The following PCDH15 variants were observed in gnomAD, a reference collection of about 807,000 sequenced individuals.
PCDH15 encodes protocadherin-15.
In PCDH15, 129 loss-of-function variants were observed where a neutral mutation model predicts 178.5. The ratio of observed to expected loss-of-function variants is 0.72; its 90% CI spans 0.63 to 0.84. PCDH15 has a LOEUF of 0.84. PCDH15 is among the 40% of genes least tolerant of loss of function. The pLI, the probability that PCDH15 is intolerant of heterozygous loss-of-function variation, is 0.00. For missense variants in PCDH15, 2,230 were observed against 2,099.9 expected (o/e 1.06, Z -1.21); for synonymous variants, 800 against 732.0 (o/e 1.09, Z -1.50).
intron 9 of PCDH15, among the ~76,000 whole-genome samples, chr10:54,217,124 G>T (rs2052169262): frequency 6.6e-6 from 1 of 152,074 alleles, no homozygotes; most frequent in East Asian, 1.9e-4. Flanking sequence ...CACGTGGAGA[G>T]GATAAACACT....
intron 20 of PCDH15, among the ~76,000 whole-genome samples, chr10:53,996,372 C>T (rs529246137): frequency 3.4e-4 from 51 of 152,116 alleles, no homozygotes; most frequent in African/African-American, 1.1e-3. Flanking sequence ...TTCAGAGCAA[C>T]TTATATGTAT....
chr10:54,630,138 C>T (rs899072751), intron 2 of PCDH15, among the ~76,000 whole-genome samples: 2 of 152,046 alleles, frequency 1.3e-5, no homozygotes, highest in Non-Finnish European at 2.9e-5. Flanking sequence ...CTACCGACTA[C>T]GTTTTTCCCA....
chr10:54,062,312 T>C (rs2094046860), intron 18 of PCDH15, among the ~76,000 whole-genome samples: 1 of 149,692 alleles, frequency 6.7e-6, no homozygotes, highest in Non-Finnish European at 1.5e-5. Context: ...GGATTATTCA[T>C]ATTAAAATAT....
At chr10:54,998,120 T>A (rs1008285394) in intron 2 of PCDH15, among the ~76,000 whole-genome samples, 11 of 152,278 alleles carry the variant, frequency 7.2e-5, no homozygotes, top group African/African-American at 2.6e-4. Flanking sequence ...AAAAAAACAA[T>A]AATTTTGTCT....
At chr10:54,767,383 G>C (rs1350176677) in intron 1 of PCDH15, among the ~76,000 whole-genome samples, 1 of 152,078 alleles carries the variant, frequency 6.6e-6, no homozygotes, top group African/African-American at 2.4e-5. Context: ...TAAGTGTTTA[G>C]ATCAATTAAT....
intron 26 of PCDH15, among the ~76,000 whole-genome samples, chr10:53,891,235 A>G (rs2081535837): frequency 6.6e-6 from 1 of 152,198 alleles, no homozygotes; most frequent in Non-Finnish European, 1.5e-5. Flanking sequence ...GTGCCTTGCA[A>G]TGCAGCCTTC....
intron 2 of PCDH15, among the ~76,000 whole-genome samples, chr10:55,008,844 CA>C (rs1409543514): frequency 2.0e-5 from 3 of 151,700 alleles, no homozygotes; most frequent in Non-Finnish European, 4.4e-5. Flanking sequence ...TAAACATCAA[CA>C]GCTACAGTGG....
chr10:55,609,377 T>C (rs934857522), intron 2 of PCDH15, among the ~76,000 whole-genome samples: 2 of 152,152 alleles, frequency 1.3e-5, no homozygotes, highest in African/African-American at 4.8e-5. Flanking sequence ...TGTTCATAAA[T>C]AGCTATAAAT....
At chr10:54,133,601 A>T (rs2042631045) in intron 14 of PCDH15, among the ~76,000 whole-genome samples, 1 of 152,208 alleles carries the variant, frequency 6.6e-6, no homozygotes, top group South Asian at 2.1e-4. Flanking sequence ...TAGGAATTAG[A>T]TTTAATAAAG....
intron 3 of PCDH15, among the ~76,000 whole-genome samples, chr10:54,862,754 G>C (rs1953866054): frequency 6.6e-6 from 1 of 152,106 alleles, no homozygotes; most frequent in African/African-American, 2.4e-5. Context: ...TGTGCCAGTG[G>C]GACATGCTCA....
At chr10:54,644,621 A>G (rs1398442692) in intron 2 of PCDH15, among the ~76,000 whole-genome samples, 1 of 152,076 alleles carries the variant, frequency 6.6e-6, no homozygotes, top group African/African-American at 2.4e-5. Flanking sequence ...CATTCATTCT[A>G]TTGAACGTCT....
In PCDH15 at chr10:55,357,507, TATTA is replaced by T. The variant is rs535112129; in HGVS notation, c.-155-190860_-155-190857del. Among the ~76,000 whole-genome samples the T allele has an allele frequency of 5.3e-5, 8 of 152,006 alleles. No homozygotes were observed. The South Asian group carries it at 1.7e-3, about 31-fold the overall frequency. On this transcript the variant is annotated intron_variant, in intron 2 of 5. Coordinates refer to the PCDH15 transcript ENST00000613346. Reference sequence around the variant, plus strand: ...GTTAGCTATGTCATCTGGTTTTATTTATTAATTATCTTATTATACTCAATGTTTT... The same window carrying T: ...GTTAGCTATGTCATCTGGTTTTATTTATTATCTTATTATACTCAATGTTTT...
chr10:55,448,751 T>G (rs188777773), intron 2 of PCDH15, among the ~76,000 whole-genome samples: 1 of 152,030 alleles, frequency 6.6e-6, no homozygotes, highest in Non-Finnish European at 1.5e-5. Context: ...GAAAAGTAAT[T>G]TATAAGAAAG....
At chr10:54,519,131 A>C (rs1214956135) in intron 3 of PCDH15, among the ~76,000 whole-genome samples, 1 of 152,182 alleles carries the variant, frequency 6.6e-6, no homozygotes, top group African/African-American at 2.4e-5. Flanking sequence ...AACTGGAAGC[A>C]TTCCCTTTGA....
chr10:54,825,443 C>T lies in PCDH15; in HGVS notation c.-29+72007G>A, dbSNP rs373868502. Reference sequence around the variant, plus strand: ...TTCTAGTTCTAGATCCCTGAGGAATCGCCACGCTGACTTCCACAATGGTTG... The same window carrying T: ...TTCTAGTTCTAGATCCCTGAGGAATTGCCACGCTGACTTCCACAATGGTTG... On this transcript the variant is annotated intron_variant, in intron 3 of 5. Transcript: ENST00000458638. Among the ~76,000 whole-genome samples the T allele has an allele frequency of 3.6e-4, 53 of 148,268 alleles. 1 individual carries two copies. In the East Asian group the frequency reaches 7.0e-3, roughly 20 times the overall value.
At chr10:55,252,573 A>G in intron 1 of PCDH15, among the ~76,000 whole-genome samples, 1 of 152,268 alleles carries the variant, frequency 6.6e-6, no homozygotes, top group Middle Eastern at 3.4e-3. Flanking sequence ...GTTAAGAAAT[A>G]TAATTCAACA....
chr10:54,805,966 G>A (rs1195277477), upstream of PCDH15, among the ~76,000 whole-genome samples: 1 of 152,126 alleles, frequency 6.6e-6, no homozygotes, highest in East Asian at 1.9e-4. Context: ...TTTTATGCTT[G>A]AGTGAGATTA....
intron 16 of PCDH15, 122 bp downstream of exon 16, chr10:54,089,862 A>G (rs2094571236): frequency 1.3e-6 from 1 of 746,100 alleles, no homozygotes; most frequent in South Asian, 1.5e-5. Flanking sequence ...ATTAGCATTC[A>G]TAGAAAACAG....
chr10:55,314,197 G>GTATATATATA (rs1025773854), intron 1 of PCDH15, among the ~76,000 whole-genome samples: 25 of 119,758 alleles, frequency 2.1e-4, no homozygotes, highest in African/African-American at 9.2e-4. Flanking sequence ...ATATGTTTGT[G>GTATATATATA]TGTATATATA....
Sources: gnomAD v4.1 joint callset for allele counts (sites outside exome capture counted in the v4.1 genomes callset) on GRCh38, gnomAD v4.1.1 for gene constraint, MANE v1.5 for transcripts, NCBI Gene and HGNC (gene_info 2026-07-23, HGNC 2026-07-21) for gene names.